The following CCDC134 variants were observed in gnomAD, a reference collection of about 807,000 sequenced individuals.
CCDC134 encodes the protein coiled-coil domain-containing protein 134.
Under a neutral mutation model 25.6 loss-of-function variants are expected in CCDC134, and 27 were observed. The observed-to-expected ratio is 1.05, with a 90% CI of 0.78 to 1.45. CCDC134 has a LOEUF of 1.45. Among genes scored for constraint, CCDC134 ranks in the 40% most tolerant of loss-of-function variants. The pLI, the probability that CCDC134 is intolerant of heterozygous loss-of-function variation, is 0.00. For synonymous variants in CCDC134, 110 were observed against 115.0 expected, an observed-to-expected ratio of 0.96 and a Z score of 0.28; for missense variants, 261 against 286.7, an observed-to-expected ratio of 0.91 and a Z score of 0.65.
Position 41,831,750 on chromosome 22 carries a change from G to T in CCDC134, c.*5927G>T, listed in dbSNP as rs958246293. 3 of 151,978 alleles carry T rather than the reference G, an allele frequency of 2.0e-5. No homozygotes were observed. The highest frequency in any genetic ancestry group is 4.4e-5 in the Non-Finnish European group (3 of 68,000). The allele number at this position is 151,978 out of a possible 1,614,324, so 9.4% of individuals were successfully genotyped here. ...ATCCATTACCTTTCCTTGATCACTT[G>T]TACCATCATCTGTAATTTATTTTTA... On this transcript the variant is annotated 3_prime_UTR_variant, in exon 7 of 7. Transcript: ENST00000255784.
chr22:41,806,836 C>G (rs112290751), intron 1 of CCDC134, among the ~76,000 whole-genome samples: 9,727 of 152,106 alleles, frequency 0.064, 1,007 homozygotes, highest in African/African-American at 0.22. Flanking sequence ...CACCTAAGGT[C>G]AGTAGTTCAA....
chr22:41,828,629 A>G lies in CCDC134; in HGVS notation c.*2806A>G, dbSNP rs192433313. The stretch of plus-strand genomic sequence containing the variant: ...ATTGATTGTTATAGTCACTTGCTCC[A>G]GGAAGTCCACTTGCTGAGTCTTACT... On this transcript the variant is annotated 3_prime_UTR_variant, in exon 7 of 7. Coordinates refer to ENST00000255784, the MANE Select transcript of CCDC134 (RefSeq NM_024821.5). Among the ~76,000 whole-genome samples the G allele has an allele frequency of 8.5e-5, 13 of 152,300 alleles. No individual in the cohort carries two copies. Among genetic ancestry groups the G allele is most frequent in the African/African-American group, 3.1e-4 (13 of 41,574 alleles).
Position 41,810,296 on chromosome 22 carries a change from G to C in CCDC134, c.310+5G>C. The C allele has an allele frequency of 6.2e-7, 1 of 1,612,986 alleles. No homozygotes were observed. The highest frequency in any genetic ancestry group is 8.5e-7 in the Non-Finnish European group (1 of 1,179,372). Reference sequence around the variant, plus strand: ...AGGACGAGAAGCTGAAGGATGGTATGGTCTGCCCTGCCCCGCCCTGTCCTC... The same window carrying C: ...AGGACGAGAAGCTGAAGGATGGTATCGTCTGCCCTGCCCCGCCCTGTCCTC... On this transcript the variant is annotated splice_donor_5th_base_variant and intron_variant, in intron 4 of 6. Coordinates refer to ENST00000255784, the MANE Select transcript of CCDC134 (RefSeq NM_024821.5).
chr22:41,808,776 CT>C, intron 1 of CCDC134, 98 bp from the exon 2 acceptor site: 1 of 923,062 alleles, frequency 1.1e-6, no homozygotes. Flanking sequence ...TATACAGAGG[CT>C]GCACTATGTC....
intron 6 of CCDC134, among the ~76,000 whole-genome samples, chr22:41,814,351 A>G (rs1602240191): frequency 6.6e-6 from 1 of 152,238 alleles, no homozygotes; most frequent in East Asian, 1.9e-4. Context: ...GGATCACCTG[A>G]GGTCAGGAGT....
intron 6 of CCDC134, 106 bp downstream of exon 6, chr22:41,813,928 A>G: frequency 2.1e-6 from 2 of 971,006 alleles, no homozygotes; most frequent in Non-Finnish European, 3.2e-6. Flanking sequence ...ACTTGGAGCC[A>G]GGCAGCCTGG....
At chr22:41,814,835 G>A (rs1035654720) in intron 6 of CCDC134, among the ~76,000 whole-genome samples, 2 of 152,186 alleles carry the variant, frequency 1.3e-5, no homozygotes, top group South Asian at 2.1e-4. Context: ...CTGTTGGCCT[G>A]GTTGTGTTGG....
chr22:41,824,182 C>A (rs2076665164), intron 6 of CCDC134, among the ~76,000 whole-genome samples: 1 of 152,128 alleles, frequency 6.6e-6, no homozygotes, highest in Admixed American at 6.5e-5. Flanking sequence ...CCAGGAGCAG[C>A]CCCTCAGGGA....
chr22:41,818,521 C>T (rs1302190431), intron 6 of CCDC134, among the ~76,000 whole-genome samples: 1 of 152,218 alleles, frequency 6.6e-6, no homozygotes, highest in African/African-American at 2.4e-5. Flanking sequence ...GTCAGGCCAG[C>T]TGTGTTGACT....
rs1158126221 is a variant in CCDC134, at chr22:41,831,513, C to G, written c.*5690C>G. 6.6e-6 allele frequency: 1 copy of G among 152,216 alleles called. No homozygotes were observed. The highest frequency in any genetic ancestry group is 1.5e-5 in the Non-Finnish European group (1 of 68,060). The allele number at this position is 152,216 out of a possible 1,614,324, so 9.4% of individuals were successfully genotyped here. ...GATCCTTATTTTTTCAATTGCAATA[C>G]AGCAGTATGCAAGGCACTTACTGTA... On this transcript the variant is annotated 3_prime_UTR_variant, in exon 7 of 7. Coordinates refer to ENST00000255784, the MANE Select transcript of CCDC134 (RefSeq NM_024821.5).
At chr22:41,809,769 C>G in intron 2 of CCDC134, 110 bp from the exon 3 acceptor site, 2 of 1,423,472 alleles carry the variant, frequency 1.4e-6, no homozygotes, top group Non-Finnish European at 1.9e-6. Flanking sequence ...CCCTGGGTGT[C>G]CATGGCCCTT....
intron 6 of CCDC134, among the ~76,000 whole-genome samples, chr22:41,822,192 G>A: frequency 6.6e-6 from 1 of 152,104 alleles, no homozygotes; most frequent in East Asian, 1.9e-4. Flanking sequence ...CGTAGCATGG[G>A]GTCCGGGCCT....
In CCDC134 at chr22:41,829,859, C is replaced by T. The variant is rs1461434224; in HGVS notation, c.*4036C>T. On this transcript the variant is annotated 3_prime_UTR_variant, in exon 7 of 7. Coordinates refer to ENST00000255784, the MANE Select transcript of CCDC134 (RefSeq NM_024821.5). Reference sequence around the variant, plus strand: ...TGCGATCTCGGCTCACTGCAACCCCCGCCTCCCGGGTTCAAGTGATTCTTC... The same window carrying T: ...TGCGATCTCGGCTCACTGCAACCCCTGCCTCCCGGGTTCAAGTGATTCTTC... Among the ~76,000 whole-genome samples the T allele has an allele frequency of 2.0e-5, 3 of 152,014 alleles. No homozygotes were observed. The highest frequency in any genetic ancestry group is 2.9e-5 in the Non-Finnish European group (2 of 67,978).
intron 6 of CCDC134, among the ~76,000 whole-genome samples, chr22:41,823,102 T>C (rs1327009500): frequency 6.6e-6 from 1 of 152,236 alleles, no homozygotes; most frequent in Non-Finnish European, 1.5e-5. Flanking sequence ...CCATAGGTTC[T>C]TGGAAACTGT....
chr22:41,829,099 TC>T lies in CCDC134; in HGVS notation c.*3281del, dbSNP rs747401775. Among the ~76,000 whole-genome samples the T allele has an allele frequency of 2.2e-4, 34 of 152,018 alleles. No homozygotes were observed. The highest frequency in any genetic ancestry group is 4.1e-4 in the Non-Finnish European group (28 of 68,014). On this transcript the variant is annotated 3_prime_UTR_variant, in exon 7 of 7. Coordinates refer to ENST00000255784, the MANE Select transcript of CCDC134 (RefSeq NM_024821.5). Reference sequence around the variant, plus strand: ...TCTCCCTGCCAGGTGCCTGTAGCAGTCCCCCAGTTACGACAACCAAAAATGT... The same window carrying T: ...TCTCCCTGCCAGGTGCCTGTAGCAGTCCCCAGTTACGACAACCAAAAATGT...
chr22:41,821,053 C>T (rs991779151), intron 6 of CCDC134, among the ~76,000 whole-genome samples: 6 of 152,016 alleles, frequency 3.9e-5, no homozygotes, highest in African/African-American at 1.2e-4. Flanking sequence ...TGATGGTGGC[C>T]GACCCAAGAG....
At chr22:41,813,925 G>T in intron 6 of CCDC134, 103 bp downstream of exon 6, 2 of 992,564 alleles carry the variant, frequency 2.0e-6, no homozygotes, top group Admixed American at 2.0e-5. Context: ...TGGACTTGGA[G>T]CCAGGCAGCC....
intron 4 of CCDC134, among the ~76,000 whole-genome samples, chr22:41,810,695 CA>C (rs1410160347): frequency 6.6e-6 from 1 of 151,934 alleles, no homozygotes; most frequent in Non-Finnish European, 1.5e-5. Context: ...GAGGTTTCAC[CA>C]TGTTGGCCAG....
At chr22:41,808,846 C>G in intron 1 of CCDC134, 29 bp from the exon 2 acceptor site, 1 of 1,522,612 alleles carries the variant, frequency 6.6e-7, no homozygotes, top group Non-Finnish European at 9.1e-7. Flanking sequence ...CTCTGAGTCT[C>G]ACTCTCTTTC....
Sources: allele counts gnomAD v4.1 joint callset (sites outside exome capture counted in the v4.1 genomes callset), GRCh38; gene constraint gnomAD v4.1.1; transcripts MANE v1.5; gene names NCBI Gene and HGNC (gene_info 2026-07-23, HGNC 2026-07-21).